The following CEP43 variants were observed in gnomAD, a reference collection of about 807,000 sequenced individuals.
The protein encoded by CEP43 is FGFR1 oncogene partner.
CEP43 carries 36 observed loss-of-function variants against 52.6 expected under a neutral mutation model. The ratio of observed to expected loss-of-function variants is 0.68; its 90% CI spans 0.52 to 0.90. The LOEUF is 0.90. Among genes scored for constraint, CEP43 ranks in the 40% least tolerant of loss-of-function variants. The pLI, the probability that CEP43 is intolerant of heterozygous loss-of-function variation, is 0.00. For missense variants in CEP43, 506 were observed against 472.8 expected (o/e 1.07, Z -0.65); for synonymous variants, 192 against 172.4 (o/e 1.11, Z -0.89).
In CEP43 at chr6:167,041,648, A is replaced by G. The variant is rs574600711; in HGVS notation, c.*1670A>G. On this transcript the variant is annotated 3_prime_UTR_variant, in exon 13 of 13. Coordinates refer to ENST00000366847, the MANE Select transcript of CEP43 (RefSeq NM_007045.4). ...TTGATAGGAACTAGGTTTCAGTGAA[A>G]TGATTTGAAAGCATAGCAGGATGTG... 101 of 1,044,592 alleles carry G rather than the reference A, an allele frequency of 9.7e-5. No individual in the cohort carries two copies. The Admixed American group carries it at 5.4e-3, about 56-fold the overall frequency. The allele number at this position is 1,044,592 out of a possible 1,614,324, so 64.7% of individuals were successfully genotyped here. A position where few individuals can be genotyped will look rare whatever the true frequency, so the allele number is the denominator to read the frequency against.
At chr6:167,037,085 C>T (rs796545981) in intron 12 of CEP43, among the ~76,000 whole-genome samples, 85 of 152,282 alleles carry the variant, frequency 5.6e-4, no homozygotes, top group African/African-American at 2.0e-3. Flanking sequence ...AGATTACAGG[C>T]GTGAGTCACT....
At chr6:167,016,901 C>G (rs952693120) in intron 7 of CEP43, among the ~76,000 whole-genome samples, 5 of 151,914 alleles carry the variant, frequency 3.3e-5, no homozygotes, top group African/African-American at 9.7e-5. Context: ...GTTTCATATG[C>G]ATTGCTTTCA....
chr6:167,026,587 C>A lies in CEP43; in HGVS notation c.960C>A (p.Ile320=). The stretch of plus-strand genomic sequence containing the variant: ...CAGTTTTGAAAGATCTGAAATTGAT[C>A]AGTGATAAAATTGGATCACTTGGAT... The part of the protein sequence containing the change: ...GNTVLKDLKL[I]SDKIGSLGLG... Residue 320 remains isoleucine, a synonymous_variant, in exon 10 of 13, where the codon ATC becomes ATA. Transcript: ENST00000366847. The A allele has an allele frequency of 6.3e-7, 1 of 1,598,968 alleles. No individual in the cohort carries two copies. Among genetic ancestry groups the A allele is most frequent in the Non-Finnish European group, 8.6e-7 (1 of 1,166,312 alleles).
At chr6:167,021,308 G>C (rs1780226922) in intron 7 of CEP43, among the ~76,000 whole-genome samples, 1 of 152,148 alleles carries the variant, frequency 6.6e-6, no homozygotes, top group African/African-American at 2.4e-5. Context: ...AGCAGGCTTT[G>C]ACTTTGATAT....
Position 167,033,916 on chromosome 6 carries a change from A to G in CEP43, c.1070A>G (p.Glu357Gly). The G allele has an allele frequency of 6.2e-7, 1 of 1,602,318 alleles. No individual in the cohort carries two copies. Among genetic ancestry groups the G allele is most frequent in the Non-Finnish European group, 8.5e-7 (1 of 1,172,158 alleles). The change falls in exon 12 of 13, where the codon GAA (glutamate) becomes GGA (glycine). Residue 357 changes from glutamate (E) to glycine (G), a missense_variant. By Grantham distance (98) the Glu-to-Gly change is moderately conservative. Transcript: ENST00000366847. The stretch of plus-strand genomic sequence containing the variant: ...GAGAAAAGTGAGATAAGTATTGGTG[A>G]AGAGATAGAAGAAGACCTTTCTGTG... Reference protein sequence around the residue: ...RSEKSEISIGEEIEEDLSVEI... With the variant: ...RSEKSEISIGGEIEEDLSVEI...
chr6:167,048,687 G>A lies in CEP43; in HGVS notation c.*8709G>A, dbSNP rs1780833677. On this transcript the variant is annotated 3_prime_UTR_variant, in exon 13 of 13. Transcript: ENST00000366847. Reference sequence around the variant, plus strand: ...AGGGGAAGACACCATGCAAATACATGGTAAAAATATTCAAATTATTACTGA... The same window carrying A: ...AGGGGAAGACACCATGCAAATACATAGTAAAAATATTCAAATTATTACTGA... The A allele has an allele frequency of 6.6e-6, 1 of 151,952 alleles. No individual in the cohort carries two copies. Among genetic ancestry groups the A allele is most frequent in the Non-Finnish European group, 1.5e-5 (1 of 67,996 alleles). 9.4% of individuals were successfully genotyped at this position (151,952 alleles called of 1,614,324 possible).
intron 5 of CEP43, among the ~76,000 whole-genome samples, chr6:167,007,824 G>A (rs747379864): frequency 3.3e-5 from 5 of 152,166 alleles, no homozygotes; most frequent in African/African-American, 4.8e-5. Flanking sequence ...CTCCCAAGCC[G>A]TAGATAATTA....
chr6:167,044,257 A>G lies in CEP43; in HGVS notation c.*4279A>G. 1 of 238,586 alleles carries G rather than the reference A, an allele frequency of 4.2e-6. No homozygotes were observed. The highest frequency in any genetic ancestry group is 6.8e-6 in the Non-Finnish European group (1 of 146,976). 14.8% of individuals were successfully genotyped at this position (238,586 alleles called of 1,614,324 possible). On this transcript the variant is annotated 3_prime_UTR_variant, in exon 13 of 13. Transcript: ENST00000366847. ...GAGATTTGAGGTAACATTTGAATCT[A>G]AAAGAGGCTATATGAAAGAGGTTAT...
chr6:167,005,396 A>G (rs1390283087), intron 5 of CEP43, among the ~76,000 whole-genome samples: 1 of 152,260 alleles, frequency 6.6e-6, no homozygotes, highest in East Asian at 1.9e-4. Context: ...TTGTCATTTA[A>G]CACATTATTT....
intron 7 of CEP43, among the ~76,000 whole-genome samples, chr6:167,015,868 A>T (rs2128661649): frequency 6.6e-6 from 1 of 152,360 alleles, no homozygotes; most frequent in Middle Eastern, 3.4e-3. Context: ...GCTAAGAGAC[A>T]ATAAAGATAA....
chr6:167,023,371 A>C (rs1218862380), intron 8 of CEP43, among the ~76,000 whole-genome samples: 1 of 152,194 alleles, frequency 6.6e-6, no homozygotes, highest in Admixed American at 6.5e-5. Flanking sequence ...AGTAAGTGCT[A>C]GAGAAAAGTA....
intron 5 of CEP43, among the ~76,000 whole-genome samples, chr6:167,006,168 G>A (rs964651688): frequency 5.3e-5 from 8 of 152,234 alleles, no homozygotes; most frequent in African/African-American, 1.9e-4. Context: ...TGGCACGGAG[G>A]ACTCTGTGTG....
chr6:167,048,275 T>C lies in CEP43; in HGVS notation c.*8297T>C, dbSNP rs1780827457. On this transcript the variant is annotated 3_prime_UTR_variant, in exon 13 of 13. Transcript: ENST00000366847. Reference sequence around the variant, plus strand: ...TAGGCATCATGGCCTGTGCCTGTAGTCCTAGCTATTGAGGAAACTGATGCA... The same window carrying C: ...TAGGCATCATGGCCTGTGCCTGTAGCCCTAGCTATTGAGGAAACTGATGCA... 6.6e-6 allele frequency: 1 copy of C among 152,276 alleles called. No individual in the cohort carries two copies. Among genetic ancestry groups the C allele is most frequent in the Non-Finnish European group, 1.5e-5 (1 of 68,110 alleles). 9.4% of individuals were successfully genotyped at this position (152,276 alleles called of 1,614,324 possible).
chr6:167,033,107 T>C (rs1780507786), intron 11 of CEP43, among the ~76,000 whole-genome samples: 1 of 122,930 alleles, frequency 8.1e-6, no homozygotes, highest in South Asian at 2.8e-4. Context: ...CTCTTTTTTT[T>C]TTTTTTTTTT....
chr6:167,014,135 T>G (rs1583275893), intron 7 of CEP43, among the ~76,000 whole-genome samples: 1 of 152,254 alleles, frequency 6.6e-6, no homozygotes, highest in East Asian at 1.9e-4. Context: ...GTATTTTTCT[T>G]TTGAATGGAT....
Position 167,051,975 on chromosome 6 carries a change from CTA to C in CEP43, c.*12001_*12002del, listed in dbSNP as rs1384003862. ...TGTCTGCAATTTTAATTTTTGTTTTCTATATGTCTCGTGTTTTTGTGGCTTTG... is the reference window on the plus strand; with the variant it reads ...TGTCTGCAATTTTAATTTTTGTTTTCTATGTCTCGTGTTTTTGTGGCTTTG... On this transcript the variant is annotated 3_prime_UTR_variant, in exon 13 of 13. Transcript: ENST00000366847. The C allele has an allele frequency of 6.6e-6, 1 of 151,940 alleles. No homozygotes were observed. The highest frequency in any genetic ancestry group is 2.4e-5 in the African/African-American group (1 of 41,394). 9.4% of individuals were successfully genotyped at this position (151,940 alleles called of 1,614,324 possible).
In CEP43 at chr6:167,041,892, C is replaced by T. The variant is rs571271346; in HGVS notation, c.*1914C>T. On this transcript the variant is annotated 3_prime_UTR_variant, in exon 13 of 13. Coordinates refer to ENST00000366847, the MANE Select transcript of CEP43 (RefSeq NM_007045.4). ...AGACTGGAGTACAGTGATGCGATCT[C>T]GGCTCACTGCAACCTCCGCCTCCTG... is the stretch of plus-strand genomic sequence containing the variant. 2.0e-4 allele frequency: 154 copies of T among 764,840 alleles called. No homozygotes were observed. Among genetic ancestry groups the T allele is most frequent in the East Asian group, 6.4e-4 (8 of 12,516 alleles). 47.4% of individuals were successfully genotyped at this position (764,840 alleles called of 1,614,324 possible).
intron 5 of CEP43, among the ~76,000 whole-genome samples, chr6:167,005,579 G>T (rs1453450556): frequency 6.6e-6 from 1 of 152,226 alleles, no homozygotes; most frequent in Admixed American, 6.5e-5. Context: ...AGCATAGCCA[G>T]ATCCCAGGCT....
At chr6:167,039,338 A>G (rs1318283018) in intron 12 of CEP43, among the ~76,000 whole-genome samples, 7 of 152,190 alleles carry the variant, frequency 4.6e-5, no homozygotes, top group African/African-American at 1.7e-4. Flanking sequence ...CATGTTGGCC[A>G]GGCTGGTCTT....
Sources: gnomAD v4.1 joint callset for allele counts (sites outside exome capture counted in the v4.1 genomes callset) on GRCh38, gnomAD v4.1.1 for gene constraint, MANE v1.5 for transcripts, NCBI Gene and HGNC (gene_info 2026-07-23, HGNC 2026-07-21) for gene names.